Variants in EFNA5 observed in about 807,000 individuals in gnomAD.
EFNA5 encodes the protein ephrin-A5.
In EFNA5, 5 loss-of-function variants were observed where a neutral mutation model predicts 22.9. The observed-to-expected ratio is 0.22, with a 90% CI of 0.11 to 0.46. The LOEUF is 0.46. Among genes scored for constraint, EFNA5 ranks in the 20% least tolerant of loss-of-function variants. The pLI, the probability that EFNA5 is intolerant of heterozygous loss-of-function variation, is 0.99. For missense variants in EFNA5, 237 were observed against 293.3 expected, an observed-to-expected ratio of 0.81 and a Z score of 1.40; for synonymous variants, 113 against 112.2, an observed-to-expected ratio of 1.01 and a Z score of -0.04.
At chr5:107,486,048 C>T (rs1377147903) in intron 1 of EFNA5, among the ~76,000 whole-genome samples, 1 of 152,144 alleles carries the variant, frequency 6.6e-6, no homozygotes, top group Non-Finnish European at 1.5e-5. Flanking sequence ...TTTCACTAGG[C>T]TGAGACGAGA....
intron 1 of EFNA5, among the ~76,000 whole-genome samples, chr5:107,431,067 C>T (rs949164573): frequency 6.6e-6 from 1 of 152,176 alleles, no homozygotes; most frequent in Admixed American, 6.5e-5. Context: ...AGCCACCGCG[C>T]CCGGCCACAA....
At chr5:107,589,347 T>A (rs1749269068) in intron 1 of EFNA5, among the ~76,000 whole-genome samples, 1 of 152,096 alleles carries the variant, frequency 6.6e-6, no homozygotes, top group Non-Finnish European at 1.5e-5. Flanking sequence ...TCTATTCAGA[T>A]CCTAAGAAAA....
intron 1 of EFNA5, among the ~76,000 whole-genome samples, chr5:107,555,133 G>A (rs918439903): frequency 1.2e-4 from 19 of 152,206 alleles, no homozygotes; most frequent in African/African-American, 3.6e-4. Context: ...AGAGAGTTGA[G>A]CAGCTTTAAA....
At position 107,637,541 on chromosome 5, in the gene EFNA5, T is replaced by TGG. The variant is rs1561456179; in HGVS notation, c.125+32946_125+32947dup. Among the ~76,000 whole-genome samples, 29 of 151,698 alleles carry TGG rather than the reference T, an allele frequency of 1.9e-4. 1 individual carries two copies. The highest frequency in any genetic ancestry group is 1.4e-3 in the Admixed American group (21 of 15,212). ...GTCTGTGTGTGTGTGTGTGTGTGTG[T>TGG]GGGTTTGCTTTTCAAGTATGGTACT... On this transcript the variant is annotated intron_variant, in intron 1 of 4. Transcript: ENST00000333274.
chr5:107,545,520 T>C (rs767118030), intron 1 of EFNA5, among the ~76,000 whole-genome samples: 2 of 152,212 alleles, frequency 1.3e-5, no homozygotes, highest in Non-Finnish European at 2.9e-5. Flanking sequence ...GTTTCTATAC[T>C]TGCATCCATT....
At chr5:107,387,357 G>C (rs746433185) in intron 3 of EFNA5, 42 bp from the exon 4 acceptor site, 1 of 1,346,386 alleles carries the variant, frequency 7.4e-7, no homozygotes. Context: ...TGTTAGTGAA[G>C]ACACCCTTAA....
At chr5:107,650,637 CA>C (rs1750710721) in intron 1 of EFNA5, among the ~76,000 whole-genome samples, 1 of 152,002 alleles carries the variant, frequency 6.6e-6, no homozygotes, top group Non-Finnish European at 1.5e-5. Flanking sequence ...TTATGTAAAC[CA>C]AAACTGACTT....
intron 3 of EFNA5, 54 bp from the exon 4 acceptor site, chr5:107,387,369 C>T: frequency 1.7e-6 from 2 of 1,173,058 alleles, no homozygotes; most frequent in Non-Finnish European, 1.2e-6. Flanking sequence ...CACCCTTAAA[C>T]TCCCATTTCT....
At chr5:107,570,629 T>G (rs943861670) in intron 1 of EFNA5, among the ~76,000 whole-genome samples, 2 of 123,082 alleles carry the variant, frequency 1.6e-5, no homozygotes, top group Non-Finnish European at 3.3e-5. Flanking sequence ...AGATGACTTT[T>G]AAAATGAAAA....
intron 2 of EFNA5, among the ~76,000 whole-genome samples, chr5:107,426,593 G>A (rs1022755380): frequency 4.6e-5 from 7 of 152,240 alleles, no homozygotes; most frequent in Admixed American, 1.3e-4. Flanking sequence ...AGTCTACTGA[G>A]AAAGTTTTAG....
intron 1 of EFNA5, among the ~76,000 whole-genome samples, chr5:107,479,061 T>A (rs776802838): frequency 8.5e-5 from 13 of 152,224 alleles, no homozygotes; most frequent in Non-Finnish European, 1.8e-4. Flanking sequence ...TGACAGAGTC[T>A]GGAATGACAT....
At chr5:107,418,218 T>C (rs777844299) in intron 2 of EFNA5, among the ~76,000 whole-genome samples, 2 of 152,206 alleles carry the variant, frequency 1.3e-5, no homozygotes, top group Non-Finnish European at 2.9e-5. Context: ...CAATGAAGTA[T>C]AAACACTGTT....
chr5:107,408,772 T>C (rs1748287773), intron 2 of EFNA5, among the ~76,000 whole-genome samples: 1 of 152,216 alleles, frequency 6.6e-6, no homozygotes, highest in Non-Finnish European at 1.5e-5. Context: ...GAGACAGCCC[T>C]GGCCTCCCAC....
chr5:107,669,950 C>T (rs1280217218), intron 1 of EFNA5, among the ~76,000 whole-genome samples: 1 of 151,658 alleles, frequency 6.6e-6, no homozygotes, highest in East Asian at 2.0e-4. Flanking sequence ...CTAAAGCTTC[C>T]GCTTCCCAGC....
intron 1 of EFNA5, among the ~76,000 whole-genome samples, chr5:107,569,317 A>C (rs750647435): frequency 1.3e-4 from 19 of 149,372 alleles, no homozygotes; most frequent in Non-Finnish European, 2.2e-4. Context: ...AAAAGATATT[A>C]AATGTATTAA....
chr5:107,603,047 C>G lies in EFNA5; in HGVS notation c.125+67442G>C, dbSNP rs913465434. Among the ~76,000 whole-genome samples the G allele has an allele frequency of 3.9e-5, 6 of 152,298 alleles. No homozygotes were observed. In the East Asian group the frequency reaches 9.7e-4, roughly 25 times the overall value. On this transcript the variant is annotated intron_variant, in intron 1 of 4. Transcript: ENST00000333274. ...ATAAATGGTGTTCTTAATGAGGGTC[C>G]TGGTTCTTTGAGAAAACTCACCATA...
intron 1 of EFNA5, among the ~76,000 whole-genome samples, chr5:107,453,596 T>G (rs981392332): frequency 1.3e-5 from 2 of 152,168 alleles, no homozygotes; most frequent in African/African-American, 4.8e-5. Context: ...TTTTTGGAGT[T>G]GACTAGGTGA....
intron 1 of EFNA5, among the ~76,000 whole-genome samples, chr5:107,642,328 C>T (rs955896994): frequency 1.1e-4 from 17 of 152,106 alleles, no homozygotes; most frequent in African/African-American, 4.1e-4. Flanking sequence ...GAGCAGATTT[C>T]AAGGGTTCTC....
Position 107,443,117 on chromosome 5 carries a change from C to T in EFNA5, c.126-15608G>A, listed in dbSNP as rs567191210. ...CATTATGAAACCATTAGGGGCATTGCTTATTGGCCTATATTAAATCGACCA... is the reference window on the plus strand; with the variant it reads ...CATTATGAAACCATTAGGGGCATTGTTTATTGGCCTATATTAAATCGACCA... On this transcript the variant is annotated intron_variant, in intron 1 of 4. Transcript: ENST00000333274. Among the ~76,000 whole-genome samples the T allele has an allele frequency of 8.5e-5, 13 of 152,236 alleles. No individual in the cohort carries two copies. The South Asian group carries it at 2.7e-3, about 32-fold the overall frequency.
Sources: gnomAD v4.1 joint callset for allele counts (sites outside exome capture counted in the v4.1 genomes callset) on GRCh38, gnomAD v4.1.1 for gene constraint, MANE v1.5 for transcripts, NCBI Gene and HGNC (gene_info 2026-07-23, HGNC 2026-07-21) for gene names.